FAM149A: variants seen among roughly 807,000 people sequenced by gnomAD.
FAM149A encodes family with sequence similarity 149 member A.
FAM149A carries 71 observed loss-of-function variants against 78.2 expected under a neutral mutation model. The ratio of observed to expected loss-of-function variants is 0.91; its 90% confidence interval spans 0.75 to 1.11. The LOEUF is 1.11. Ranked by LOEUF, FAM149A falls within the 50% of genes least tolerant of loss-of-function variation. The pLI is 0.00. For synonymous variants in FAM149A, 446 were observed against 410.5 expected (o/e 1.09, Z -1.04); for missense variants, 1,036 against 971.0 (o/e 1.07, Z -0.89).
intron 1 of FAM149A, among the ~76,000 whole-genome samples, chr4:186,121,192 G>A (rs922097148): frequency 2.6e-5 from 4 of 152,082 alleles, no homozygotes; most frequent in African/African-American, 9.7e-5. Context: ...TAATGAGCAA[G>A]CATTGTCTTA....
chr4:186,130,314 T>TATATATATATGTAA (rs141900902), intron 1 of FAM149A, among the ~76,000 whole-genome samples: 2 of 116,456 alleles, frequency 1.7e-5, no homozygotes, highest in African/African-American at 7.0e-5. Flanking sequence ...TATATATATA[T>TATATATATATGTAA]AATCTATATC....
chr4:186,168,058 A>G (rs1313636756), intron 13 of FAM149A, among the ~76,000 whole-genome samples: 1 of 152,242 alleles, frequency 6.6e-6, no homozygotes, highest in Non-Finnish European at 1.5e-5. Flanking sequence ...ATTGTTTTAC[A>G]GGGAATTTTA....
chr4:186,111,875 G>T lies in FAM149A; in HGVS notation c.566+6233G>T, dbSNP rs2099311438. 4.6e-5 allele frequency among the ~76,000 whole-genome samples: 7 copies of T among 151,786 alleles called. No individual in the cohort carries two copies. In the South Asian group the frequency reaches 1.5e-3, roughly 32 times the overall value. ...TTTGGCTTAGGATTGCCTTGGCGATGTGGGCTCTTTTTTGCTTCCATATGA... is the reference window on the plus strand; with the variant it reads ...TTTGGCTTAGGATTGCCTTGGCGATTTGGGCTCTTTTTTGCTTCCATATGA... On this transcript the variant is annotated intron_variant, in intron 1 of 13. Transcript: ENST00000389354.
At position 186,117,808 on chromosome 4, in the gene FAM149A, G is replaced by A. The variant is rs150293661; in HGVS notation, c.566+12166G>A. 7.6e-5 allele frequency: 63 copies of A among 827,286 alleles called. 1 individual carries two copies. The African/African-American group carries it at 1.0e-3, about 13-fold the overall frequency. 51.2% of individuals were successfully genotyped at this position (827,286 alleles called of 1,614,324 possible). Reference sequence around the variant, plus strand: ...CTAGTAGGAAGCTCTAGGAATAAACGCCTGAGAGGTATGGAGCCTAGGAAT... The same window carrying A: ...CTAGTAGGAAGCTCTAGGAATAAACACCTGAGAGGTATGGAGCCTAGGAAT... On this transcript the variant is annotated intron_variant, in intron 1 of 13. Coordinates refer to ENST00000389354, the MANE Select transcript of FAM149A (RefSeq NM_001367768.3).
chr4:186,163,019 G>T, intron 9 of FAM149A, 71 bp downstream of exon 9: 2 of 889,944 alleles, frequency 2.2e-6, no homozygotes, highest in Non-Finnish European at 3.7e-6. Flanking sequence ...ACTGAAGACT[G>T]CAGGGGACAT....
intron 1 of FAM149A, among the ~76,000 whole-genome samples, chr4:186,106,637 A>G (rs2099308859): frequency 1.3e-5 from 2 of 152,148 alleles, no homozygotes; most frequent in African/African-American, 4.8e-5. Flanking sequence ...ACAAAATTGA[A>G]TGATATTCAT....
In FAM149A at chr4:186,144,983, G is replaced by C. The variant is rs1732904552; in HGVS notation, c.567-4190G>C. 2.0e-6 allele frequency: 2 copies of C among 978,278 alleles called. No individual in the cohort carries two copies. The highest frequency in any genetic ancestry group is 9.4e-5 in the South Asian group (2 of 21,376). 60.6% of individuals were successfully genotyped at this position (978,278 alleles called of 1,614,324 possible). On this transcript the variant is annotated intron_variant, in intron 1 of 13. Coordinates refer to ENST00000389354, the MANE Select transcript of FAM149A (RefSeq NM_001367768.3). The surrounding 1 kb of genome is among the most constrained non-coding windows in gnomAD (Gnocchi z 4.2). ...GGCGGGTGGGGAGCCCCAGCCCCGG[G>C]GCCGCGGGGGCGCGTGACCGGCTGT...
intron 6 of FAM149A, 32 bp from the exon 7 acceptor site, chr4:186,155,968 T>C: frequency 6.3e-7 from 1 of 1,583,312 alleles, no homozygotes. Context: ...AGCATTGATC[T>C]TTTAGTAATT....
At chr4:186,118,929 GGAGTA>G (rs1369609170) in intron 1 of FAM149A, among the ~76,000 whole-genome samples, 4 of 152,172 alleles carry the variant, frequency 2.6e-5, no homozygotes, top group Non-Finnish European at 5.9e-5. Context: ...AAAACAATGA[GGAGTA>G]GAGTCTATTG....
At chr4:186,121,730 T>A (rs2099316156) in intron 1 of FAM149A, among the ~76,000 whole-genome samples, 1 of 152,230 alleles carries the variant, frequency 6.6e-6, no homozygotes. Context: ...AGTGTGGTGC[T>A]GCCATCCTAC....
rs542377347 is a variant in FAM149A, at chr4:186,162,840, C to G, written c.1576-5C>G. On this transcript the variant is annotated splice_polypyrimidine_tract_variant and splice_region_variant and intron_variant, in intron 8 of 13. Coordinates refer to ENST00000389354, the MANE Select transcript of FAM149A (RefSeq NM_001367768.3). ...TTTTTTTTTTTTTTTTTTTACTGTT[C>G]TCAGATTCATCACTTCTCCAGCAGT... 6.2e-5 allele frequency: 33 copies of G among 535,848 alleles called. No individual in the cohort carries two copies. In the South Asian group the frequency reaches 6.8e-4, roughly 11 times the overall value. 33.2% of individuals were successfully genotyped at this position (535,848 alleles called of 1,614,324 possible). A position where few individuals can be genotyped will look rare whatever the true frequency, so the allele number is the denominator to read the frequency against.
At chr4:186,108,784 CCT>C (rs2099309862) in intron 1 of FAM149A, among the ~76,000 whole-genome samples, 1 of 152,020 alleles carries the variant, frequency 6.6e-6, no homozygotes, top group South Asian at 2.1e-4. Flanking sequence ...CTCTTCATTA[CCT>C]CTTTTCATAC....
chr4:186,163,568 T>G lies in FAM149A; in HGVS notation c.1824T>G (p.Ala608=), dbSNP rs1734784542. 6.2e-7 allele frequency: 1 copy of G among 1,614,062 alleles called. No individual in the cohort carries two copies. The highest frequency in any genetic ancestry group is 8.5e-7 in the Non-Finnish European group (1 of 1,180,028). Residue 608 remains alanine, a synonymous_variant, in exon 10 of 14, where the codon GCT becomes GCG. Transcript: ENST00000389354. ...TGCCCTGGAGGCTGCCTTCTCTTGC[T>G]TCAGATTCACAGAGACTAAAAACTC...
rs1298789498 is a variant in FAM149A at position 186,118,247 on chromosome 4, A to G, written c.566+12605A>G. On this transcript the variant is annotated intron_variant, in intron 1 of 13. Coordinates refer to ENST00000389354, the MANE Select transcript of FAM149A (RefSeq NM_001367768.3). ...TTACTGTTGCTGTGGGAGTTTCAAG[A>G]CCCTCTGAAATGAGGAGCGTCTCCT... is the stretch of plus-strand genomic sequence containing the variant. The G allele has an allele frequency of 6.1e-6, 6 of 985,016 alleles. No individual in the cohort carries two copies. In the African/African-American group the frequency reaches 8.7e-5, roughly 14 times the overall value. The allele number at this position is 985,016 out of a possible 1,614,324, so 61.0% of individuals were successfully genotyped here.
At chr4:186,110,341 C>CAGGGATGAACGGTGG in intron 1 of FAM149A, 1 of 981,258 alleles carries the variant, frequency 1.0e-6, no homozygotes, top group Non-Finnish European at 1.2e-6. Flanking sequence ...CTTAGCATTT[C>CAGGGATGAACGGTGG]CTCAGGGATG....
intron 13 of FAM149A, chr4:186,169,955 CT>C (rs1457347052): frequency 1.0e-6 from 1 of 984,626 alleles, no homozygotes; most frequent in East Asian, 1.1e-4. Flanking sequence ...ACATTTAGTT[CT>C]TTGGTTCAAA....
chr4:186,131,424 CAG>C (rs145541165), intron 1 of FAM149A, among the ~76,000 whole-genome samples: 29,417 of 152,058 alleles, frequency 0.19, 3,078 homozygotes, highest in South Asian at 0.27. Flanking sequence ...TTTGAGCACA[CAG>C]GGAGTTGGCA....
intron 1 of FAM149A, among the ~76,000 whole-genome samples, chr4:186,138,168 CATTT>C (rs986903953): frequency 3.3e-4 from 50 of 152,266 alleles, no homozygotes; most frequent in African/African-American, 1.1e-3. Flanking sequence ...CTAAACTCCA[CATTT>C]ATTCTGATTT....
chr4:186,116,656 G>A (rs898727579), intron 1 of FAM149A: 20 of 965,258 alleles, frequency 2.1e-5, no homozygotes, highest in African/African-American at 1.8e-4. Context: ...GGAGGGCAGC[G>A]GCACGATCTC....
Sources: allele counts gnomAD v4.1 joint callset (sites outside exome capture counted in the v4.1 genomes callset), GRCh38; gene constraint gnomAD v4.1.1; non-coding constraint Gnocchi (gnomAD v3.1); transcripts MANE v1.5; gene names NCBI Gene and HGNC (gene_info 2026-07-23, HGNC 2026-07-21).